Variants in TRAPPC9 observed in about 807,000 individuals in gnomAD.
TRAPPC9 encodes the protein IKK2 binding protein.
TRAPPC9 carries 83 observed loss-of-function variants against 124.0 expected under a neutral mutation model. The observed-to-expected ratio is 0.67, with a 90% confidence interval of 0.56 to 0.80. The LOEUF is 0.80. TRAPPC9 is among the 30% of genes least tolerant of loss of function. The pLI, the probability that TRAPPC9 is intolerant of heterozygous loss-of-function variation, is 0.00. For missense variants in TRAPPC9, 1,302 were observed against 1,508.3 expected, an observed-to-expected ratio of 0.86 and a Z score of 2.27; for synonymous variants, 638 against 617.5, an observed-to-expected ratio of 1.03 and a Z score of -0.49.
chr8:140,320,251 G>C (rs952560309), intron 9 of TRAPPC9, among the ~76,000 whole-genome samples: 23 of 152,268 alleles, frequency 1.5e-4, no homozygotes, highest in African/African-American at 5.1e-4. Context: ...CTCTTTGGAG[G>C]CTTCCACTAA....
intron 2 of TRAPPC9, among the ~76,000 whole-genome samples, chr8:140,439,435 T>G (rs1397850159): frequency 1.3e-5 from 2 of 152,252 alleles, no homozygotes; most frequent in Non-Finnish European, 2.9e-5. Context: ...ACTTCTACCA[T>G]GTCTTTCACG....
rs2070325709 is a variant in TRAPPC9, at chr8:140,423,767, C to T, written c.886+2848G>A. 5.9e-5 allele frequency among the ~76,000 whole-genome samples: 9 copies of T among 151,630 alleles called. No individual in the cohort carries two copies. The South Asian group carries it at 1.9e-3, about 32-fold the overall frequency. ...ACATATATATACATATATATATACA[C>T]AGAATGGAATATTATTCTGCAAGAA... On this transcript the variant is annotated intron_variant, in intron 5 of 22. Transcript: ENST00000438773.
intron 13 of TRAPPC9, among the ~76,000 whole-genome samples, chr8:140,287,399 G>T (rs2065518383): frequency 6.6e-6 from 1 of 152,054 alleles, no homozygotes; most frequent in Non-Finnish European, 1.5e-5. Context: ...TGGGCAGTGG[G>T]GTCAGAGCAC....
At chr8:140,280,189 G>C (rs2065264583) in intron 14 of TRAPPC9, among the ~76,000 whole-genome samples, 1 of 152,242 alleles carries the variant, frequency 6.6e-6, no homozygotes, top group Non-Finnish European at 1.5e-5. Flanking sequence ...GCCAAAGCCA[G>C]AGCTGGGAGT....
chr8:139,748,263 G>C (rs1311055999), intron 21 of TRAPPC9, among the ~76,000 whole-genome samples: 4 of 83,078 alleles, frequency 4.8e-5, no homozygotes, highest in Admixed American at 3.2e-4. Context: ...AGGTAGGGGG[G>C]GCATACAGGG....
chr8:139,989,163 C>T (rs376913521), intron 18 of TRAPPC9, among the ~76,000 whole-genome samples: 5 of 152,192 alleles, frequency 3.3e-5, no homozygotes. Flanking sequence ...TATACACTGA[C>T]GACTGGAACA....
intron 9 of TRAPPC9, among the ~76,000 whole-genome samples, chr8:140,330,827 C>T (rs2066875112): frequency 2.0e-5 from 3 of 152,102 alleles, no homozygotes; most frequent in Admixed American, 2.0e-4. Flanking sequence ...GCTTTAAGTT[C>T]AAACTTTCTG....
intron 17 of TRAPPC9, among the ~76,000 whole-genome samples, chr8:140,029,293 C>T (rs1232349892): frequency 1.3e-5 from 2 of 152,222 alleles, no homozygotes; most frequent in Admixed American, 6.5e-5. Flanking sequence ...ATCACTTGAG[C>T]CCCAGACTTT....
At chr8:139,736,990 A>G (rs116780587) in intron 21 of TRAPPC9, among the ~76,000 whole-genome samples, 254 of 152,356 alleles carry the variant, frequency 1.7e-3, no homozygotes, top group African/African-American at 5.7e-3. Context: ...CCCGACTCCA[A>G]CCAGGACGGA....
chr8:140,148,008 T>G (rs1408486194), intron 17 of TRAPPC9, among the ~76,000 whole-genome samples: 1 of 152,218 alleles, frequency 6.6e-6, no homozygotes, highest in Non-Finnish European at 1.5e-5. Context: ...GAGATCCCAC[T>G]GTGTGCCAGG....
intron 1 of TRAPPC9, among the ~76,000 whole-genome samples, chr8:140,453,650 C>T (rs2071548262): frequency 6.6e-6 from 1 of 152,162 alleles, no homozygotes; most frequent in Admixed American, 6.6e-5. Context: ...AAACGGTTCA[C>T]AAGTATATTA....
intron 15 of TRAPPC9, among the ~76,000 whole-genome samples, chr8:140,255,036 A>T (rs2064216535): frequency 6.6e-6 from 1 of 152,236 alleles, no homozygotes; most frequent in African/African-American, 2.4e-5. Flanking sequence ...AAGCAGACAT[A>T]TTCCTGGCCG....
chr8:139,959,570 TC>T (rs1391037412), intron 19 of TRAPPC9, among the ~76,000 whole-genome samples: 1 of 152,108 alleles, frequency 6.6e-6, no homozygotes, highest in Non-Finnish European at 1.5e-5. Flanking sequence ...GGGTCCACCT[TC>T]CCACCACCAA....
chr8:140,124,041 G>A (rs1489090590), intron 17 of TRAPPC9, among the ~76,000 whole-genome samples: 1 of 152,226 alleles, frequency 6.6e-6, no homozygotes, highest in Non-Finnish European at 1.5e-5. Context: ...TATGCTGGAG[G>A]CAAAAGAAAG....
At chr8:140,198,314 T>G (rs554984650) in intron 17 of TRAPPC9, among the ~76,000 whole-genome samples, 1 of 152,226 alleles carries the variant, frequency 6.6e-6, no homozygotes, top group South Asian at 2.1e-4. Flanking sequence ...GCCACAAGAT[T>G]AAAAATTATG....
chr8:139,816,383 C>A (rs1266187281), intron 21 of TRAPPC9, among the ~76,000 whole-genome samples: 1 of 152,198 alleles, frequency 6.6e-6, no homozygotes, highest in Non-Finnish European at 1.5e-5. Flanking sequence ...CAGAACGTTC[C>A]TTGCCAGCCC....
intron 9 of TRAPPC9, among the ~76,000 whole-genome samples, chr8:140,358,778 G>A (rs529298956): frequency 1.3e-5 from 2 of 152,202 alleles, no homozygotes; most frequent in East Asian, 1.9e-4. Flanking sequence ...TCGCCCAGAC[G>A]GCCTGCAGGG....
intron 19 of TRAPPC9, among the ~76,000 whole-genome samples, chr8:139,982,818 T>C (rs533964773): frequency 2.6e-5 from 4 of 152,256 alleles, no homozygotes; most frequent in South Asian, 2.1e-4. Flanking sequence ...AAGAGTGGCA[T>C]TGCTAATTTC....
intron 9 of TRAPPC9, among the ~76,000 whole-genome samples, chr8:140,349,217 A>G (rs2067451741): frequency 3.4e-5 from 3 of 89,318 alleles, no homozygotes; most frequent in African/African-American, 1.3e-4. Context: ...AGGGAAGGGC[A>G]CAGAAGGGGG....
Sources: gnomAD v4.1 joint callset for allele counts (sites outside exome capture counted in the v4.1 genomes callset) on GRCh38, gnomAD v4.1.1 for gene constraint, MANE v1.5 for transcripts, NCBI Gene and HGNC (gene_info 2026-07-23, HGNC 2026-07-21) for gene names.